The following SGK2 variants were observed in gnomAD, a reference collection of about 807,000 sequenced individuals.
The protein encoded by SGK2 is serum/glucocorticoid regulated kinase 2, also known as serine/threonine-protein kinase Sgk2.
A neutral mutation model predicts 47.5 loss-of-function variants in SGK2; 36 were observed. The observed-to-expected ratio is 0.76, with a 90% CI of 0.58 to 1.00. The LOEUF (loss-of-function observed/expected upper bound fraction) is 1.00. Ranked by LOEUF, SGK2 falls within the 50% of genes least tolerant of loss-of-function variation. SGK2 has a pLI of 0.00. For missense variants in SGK2, 404 were observed against 467.4 expected (o/e 0.86, Z 1.25); for synonymous variants, 157 against 181.9 (o/e 0.86, Z 1.10).
intron 11 of SGK2, 36 bp from the exon 12 acceptor site, chr20:43,579,935 AC>A: frequency 7.0e-7 from 1 of 1,433,566 alleles, no homozygotes; most frequent in Non-Finnish European, 9.8e-7. Flanking sequence ...GGGGAGGGCT[AC>A]TTCTAACCAG....
chr20:43,574,102 CT>C (rs1454491076), intron 9 of SGK2, among the ~76,000 whole-genome samples: 1 of 152,172 alleles, frequency 6.6e-6, no homozygotes, highest in Non-Finnish European at 1.5e-5. Context: ...GTTAAATGCC[CT>C]GCCTGAGACC....
chr20:43,576,343 G>A lies in SGK2; in HGVS notation c.813G>A (p.Lys271=). The change falls in exon 11 of 13, where the codon AAG becomes AAA. Residue 271 remains lysine, a synonymous_variant. Coordinates refer to ENST00000373100, the MANE Select transcript of SGK2 (RefSeq NM_170693.3). ...ACDLLQSLLH[K]DQRQRLGSKA... is the part of the protein sequence containing the mutation. ...ACCTCCTGCAAAGCCTTCTCCACAA[G>A]GACCAGAGGCAGCGGCTGGGCTCCA... 1 of 1,614,226 alleles carries A rather than the reference G, an allele frequency of 6.2e-7. No homozygotes were observed. Among genetic ancestry groups the A allele is most frequent in the Middle Eastern group, 1.6e-4 (1 of 6,062 alleles).
intron 1 of SGK2, among the ~76,000 whole-genome samples, chr20:43,561,983 T>C (rs1005627662): frequency 2.0e-5 from 3 of 152,160 alleles, no homozygotes; most frequent in Non-Finnish European, 4.4e-5. Context: ...GCAAGCTTTC[T>C]AGAATGAACT....
intron 6 of SGK2, chr20:43,569,725 G>A (rs1979980338): frequency 1.8e-6 from 1 of 561,972 alleles, no homozygotes. Flanking sequence ...CTTGAATTCA[G>A]GTCTGTTAGA....
Position 43,572,227 on chromosome 20 carries a change from T to A in SGK2, c.597+90T>A, listed in dbSNP as rs1023605955. On this transcript the variant is annotated intron_variant, in intron 9 of 12. Coordinates refer to ENST00000373100, the MANE Select transcript of SGK2 (RefSeq NM_170693.3). The surrounding 1 kb of genome is among the most constrained non-coding windows in gnomAD (Gnocchi z 4.2). ...GCCAACAGGTTACAGTGAAGGGGAC[T>A]CACTCCTTTGACCCAAACACTTCTC... 6 of 987,540 alleles carry A rather than the reference T, an allele frequency of 6.1e-6. No individual in the cohort carries two copies. The highest frequency in any genetic ancestry group is 1.6e-5 in the African/African-American group (1 of 62,370). The allele number at this position is 987,540 out of a possible 1,614,324, so 61.2% of individuals were successfully genotyped here. A position where few individuals can be genotyped will look rare whatever the true frequency, so the allele number is the denominator to read the frequency against.
chr20:43,575,843 G>C (rs1980429915), intron 10 of SGK2, among the ~76,000 whole-genome samples: 3 of 152,182 alleles, frequency 2.0e-5, no homozygotes, highest in Admixed American at 2.0e-4. Context: ...GGGCCTGGCT[G>C]TCTTCCTAAC....
intron 12 of SGK2, chr20:43,583,664 G>A (rs545400560): frequency 2.7e-4 from 262 of 966,160 alleles, no homozygotes; most frequent in Admixed American, 1.4e-3. Flanking sequence ...CCAAAGCTAG[G>A]TGGCTTAAAA....
chr20:43,576,164 CCCCGAG>C, intron 10 of SGK2, 54 bp from the exon 11 acceptor site: 1 of 1,591,092 alleles, frequency 6.3e-7, no homozygotes, highest in African/African-American at 1.3e-5. Flanking sequence ...CTCCAAGTCT[CCCCGAG>C]CCTGTGTTCA....
intron 1 of SGK2, among the ~76,000 whole-genome samples, chr20:43,564,598 C>T (rs770058036): frequency 2.0e-5 from 3 of 152,108 alleles, no homozygotes; most frequent in Admixed American, 6.5e-5. Context: ...GACACCCATA[C>T]TGCTCTTAAC....
At chr20:43,584,734 T>C (rs1980997747) in intron 12 of SGK2, 118 bp from the exon 13 acceptor site, 2 of 739,722 alleles carry the variant, frequency 2.7e-6, no homozygotes, top group African/African-American at 1.8e-5. Flanking sequence ...CAGTCAAGTA[T>C]GGATGACTGT....
chr20:43,580,727 CAAAAAAAAAAA>C (rs764803627), intron 12 of SGK2, among the ~76,000 whole-genome samples: 1 of 68,734 alleles, frequency 1.5e-5, no homozygotes, highest in Admixed American at 1.9e-4. Flanking sequence ...GACTTCATCT[CAAAAAAAAAAA>C]AAAAAAAAAA....
rs199985307 is a variant in SGK2 at position 43,580,096 on chromosome 20, C to T, written c.939+35C>T. 101 of 1,393,792 alleles carry T rather than the reference C, an allele frequency of 7.2e-5. 1 individual carries two copies. In the African/African-American group the frequency reaches 1.2e-3, roughly 16 times the overall value. 86.3% of individuals were successfully genotyped at this position (1,393,792 alleles called of 1,614,324 possible). On this transcript the variant is annotated intron_variant, in intron 12 of 12. Transcript: ENST00000373100. ...CACAGCATTCTAGACTCTGGATTTC[C>T]GGGGCTGGGGGAGCTTGCTATGCTT...
At chr20:43,575,464 CAAAAAA>C (rs11471675) in intron 10 of SGK2, among the ~76,000 whole-genome samples, 2 of 116,732 alleles carry the variant, frequency 1.7e-5, no homozygotes, top group African/African-American at 3.4e-5. Context: ...GACTCTGTCT[CAAAAAA>C]AAAAAAAAAA....
intron 1 of SGK2, chr20:43,566,009 C>T (rs933943062): frequency 4.5e-5 from 12 of 264,984 alleles, no homozygotes; most frequent in Middle Eastern, 1.1e-3. Context: ...TATGGGAGTC[C>T]GGAGAGCCCA....
chr20:43,577,374 A>G (rs1980524391), intron 11 of SGK2, among the ~76,000 whole-genome samples: 1 of 136,490 alleles, frequency 7.3e-6, no homozygotes, highest in Non-Finnish European at 1.5e-5. Context: ...TTTTTCCGAG[A>G]CAGAGTCTTG....
Position 43,576,392 on chromosome 20 carries a change from C to G in SGK2, c.849+13C>G. On this transcript the variant is annotated intron_variant, in intron 11 of 12. Transcript: ENST00000373100. ...CAAAGCAGACTTTGTAGGTGACCTACCAGTGGAGCACTGGCCCCCATGGGG... is the reference window on the plus strand; with the variant it reads ...CAAAGCAGACTTTGTAGGTGACCTAGCAGTGGAGCACTGGCCCCCATGGGG... The G allele has an allele frequency of 6.2e-7, 1 of 1,612,350 alleles. No homozygotes were observed. Among genetic ancestry groups the G allele is most frequent in the Non-Finnish European group, 8.5e-7 (1 of 1,178,944 alleles).
In SGK2 at chr20:43,572,847, G is replaced by A. The variant is rs549987693; in HGVS notation, c.597+710G>A. Among the ~76,000 whole-genome samples the A allele has an allele frequency of 1.2e-4, 19 of 152,090 alleles. No homozygotes were observed. The South Asian group carries it at 3.9e-3, about 32-fold the overall frequency. ...TTCAACATACCATCAATATAAAACT[G>A]GTTGAAATATTTTATTCCTTTTTTT... On this transcript the variant is annotated intron_variant, in intron 9 of 12. Coordinates refer to ENST00000373100, the MANE Select transcript of SGK2 (RefSeq NM_170693.3). The surrounding 1 kb of genome is among the most constrained non-coding windows in gnomAD (Gnocchi z 4.2).
chr20:43,578,158 G>C (rs1031752680), intron 11 of SGK2, among the ~76,000 whole-genome samples: 2 of 152,086 alleles, frequency 1.3e-5, no homozygotes, highest in African/African-American at 2.4e-5. Context: ...TTCTCACCAG[G>C]AGTTTGCTTT....
chr20:43,584,869 G>A lies in SGK2; in HGVS notation c.957G>A (p.Leu319=), dbSNP rs752381639. 2.5e-6 allele frequency: 4 copies of A among 1,613,994 alleles called. No homozygotes were observed. Among genetic ancestry groups the A allele is most frequent in the South Asian group, 1.1e-5 (1 of 91,064 alleles). ...ATTGACAGACAGGACCTGCTGACTTGAAGCATTTTGACCCAGAGTTCACCC... is the reference window on the plus strand; with the variant it reads ...ATTGACAGACAGGACCTGCTGACTTAAAGCATTTTGACCCAGAGTTCACCC... ...FNPNVTGPAD[L]KHFDPEFTQE... is the part of the protein sequence containing the mutation. The change falls in exon 13 of 13, where the codon TTG becomes TTA. Residue 319 remains leucine (L), a synonymous_variant. Coordinates refer to ENST00000373100, the MANE Select transcript of SGK2 (RefSeq NM_170693.3).
Sources: gnomAD v4.1 joint callset for allele counts (sites outside exome capture counted in the v4.1 genomes callset) on GRCh38, gnomAD v4.1.1 for gene constraint, Gnocchi (gnomAD v3.1) non-coding constraint, MANE v1.5 for transcripts, NCBI Gene and HGNC (gene_info 2026-07-23, HGNC 2026-07-21) for gene names.